Variants in U2SURP observed in about 807,000 individuals in gnomAD.
U2SURP encodes U2 snRNP-associated SURP motif-containing protein.
In U2SURP, 9 loss-of-function variants were observed where a neutral mutation model predicts 144.9. The ratio of observed to expected loss-of-function variants is 0.06; its 90% CI spans 0.04 to 0.11. U2SURP has a LOEUF of 0.11. U2SURP is among the 10% of genes least tolerant of loss of function. The pLI, the probability that U2SURP is intolerant of heterozygous loss-of-function variation, is 1.00. For missense variants in U2SURP, 724 were observed against 1,226.7 expected (o/e 0.59, Z 6.12); for synonymous variants, 408 against 396.8 (o/e 1.03, Z -0.33).
In U2SURP at chr3:143,021,256, C is replaced by T. The variant is rs1041302737; in HGVS notation, c.734-94C>T. 5.9e-6 allele frequency: 8 copies of T among 1,348,084 alleles called. No individual in the cohort carries two copies. In the African/African-American group the frequency reaches 1.2e-4, roughly 20 times the overall value. The allele number at this position is 1,348,084 out of a possible 1,614,324, so 83.5% of individuals were successfully genotyped here. ...CTCTCTTTTTGTCTCTCAGAAATAC[C>T]TTACTGTAACAAACTGGGGGAAACA... On this transcript the variant is annotated intron_variant, in intron 8 of 27. Transcript: ENST00000473835.
At chr3:143,005,590 G>A (rs186914909) in intron 1 of U2SURP, among the ~76,000 whole-genome samples, 6 of 152,250 alleles carry the variant, frequency 3.9e-5, no homozygotes, top group South Asian at 2.1e-4. Context: ...TAACTTTTTC[G>A]AAACTTGAAC....
intron 3 of U2SURP, 58 bp downstream of exon 3, chr3:143,012,411 T>C (rs764921676): frequency 1.2e-5 from 17 of 1,456,180 alleles, no homozygotes; most frequent in African/African-American, 2.8e-5. Flanking sequence ...TTTTAATCTG[T>C]CTTTGACTGA....
intron 26 of U2SURP, among the ~76,000 whole-genome samples, chr3:143,054,469 GT>G (rs1169561982): frequency 2.0e-5 from 3 of 152,162 alleles, no homozygotes; most frequent in African/African-American, 7.2e-5. Flanking sequence ...TTTTGACATA[GT>G]TTTAGATTTA....
At chr3:143,050,591 TTCTGACTGTC>T (rs1408338944) in intron 24 of U2SURP, among the ~76,000 whole-genome samples, 2 of 152,202 alleles carry the variant, frequency 1.3e-5, no homozygotes, top group Non-Finnish European at 2.9e-5. Flanking sequence ...TTAATCTGCA[TTCTGACTGTC>T]ATATCATGCT....
chr3:143,038,993 T>G, intron 23 of U2SURP, 33 bp downstream of exon 23: 1 of 1,378,654 alleles, frequency 7.3e-7, no homozygotes, highest in South Asian at 1.4e-5. Flanking sequence ...TACTGTTTCT[T>G]GTTCATATAC....
At chr3:143,004,434 G>C (rs1477546275) in intron 1 of U2SURP, among the ~76,000 whole-genome samples, 2 of 127,484 alleles carry the variant, frequency 1.6e-5, no homozygotes, top group Non-Finnish European at 3.1e-5. Context: ...TGCAATCTCA[G>C]CTCACTGCAA....
At chr3:143,022,728 A>G in intron 11 of U2SURP, 66 bp downstream of exon 11, 1 of 1,499,932 alleles carries the variant, frequency 6.7e-7, no homozygotes, top group Non-Finnish European at 8.9e-7. Context: ...AAGTATTTAT[A>G]AAAACTAGGA....
At chr3:143,010,991 T>C (rs1240446810) in intron 2 of U2SURP, 132 bp downstream of exon 2, 6 of 651,524 alleles carry the variant, frequency 9.2e-6, no homozygotes, top group South Asian at 2.8e-5. Context: ...CTCTTTTTTT[T>C]CTAGGCGCCT....
rs987883755 is a variant in U2SURP, at chr3:143,035,869, A to G, written c.1942-113A>G. ...ATAGTTATTTTCTTTAAAGTTTAAAAAAACATCAGTTTAAAGGCAAATTTA... is the reference window on the plus strand; with the variant it reads ...ATAGTTATTTTCTTTAAAGTTTAAAGAAACATCAGTTTAAAGGCAAATTTA... On this transcript the variant is annotated intron_variant, in intron 19 of 27. Coordinates refer to ENST00000473835, the MANE Select transcript of U2SURP (RefSeq NM_001080415.2). 3 of 1,134,584 alleles carry G rather than the reference A, an allele frequency of 2.6e-6. No individual in the cohort carries two copies. The African/African-American group carries it at 4.8e-5, about 18-fold the overall frequency. 70.3% of individuals were successfully genotyped at this position (1,134,584 alleles called of 1,614,324 possible).
chr3:143,013,402 T>C (rs2108274317), intron 3 of U2SURP, among the ~76,000 whole-genome samples: 1 of 152,196 alleles, frequency 6.6e-6, no homozygotes. Flanking sequence ...GATTTTAATA[T>C]AAATTTAAAA....
chr3:143,021,425 A>C, intron 9 of U2SURP, 40 bp downstream of exon 9: 1 of 1,609,202 alleles, frequency 6.2e-7, no homozygotes. Context: ...TAAATTTTCC[A>C]AACTTTATGT....
At position 143,059,360 on chromosome 3, in the gene U2SURP, A is replaced by T. The variant is rs1422913988; in HGVS notation, c.*2910A>T. 6.6e-6 allele frequency: 1 copy of T among 152,356 alleles called. No homozygotes were observed. Among genetic ancestry groups the T allele is most frequent in the African/African-American group, 2.4e-5 (1 of 41,428 alleles). 9.4% of individuals were successfully genotyped at this position (152,356 alleles called of 1,614,324 possible). ...CCTGAGACTTTTATCCCAATTAGTGAATCTTGGAGGGAATACTTGCTTATT... is the reference window on the plus strand; with the variant it reads ...CCTGAGACTTTTATCCCAATTAGTGTATCTTGGAGGGAATACTTGCTTATT... On this transcript the variant is annotated 3_prime_UTR_variant, in exon 28 of 28. Coordinates refer to ENST00000473835, the MANE Select transcript of U2SURP (RefSeq NM_001080415.2).
At chr3:143,022,801 G>A (rs769776157) in intron 11 of U2SURP, 52 bp from the exon 12 acceptor site, 1 of 1,475,158 alleles carries the variant, frequency 6.8e-7, no homozygotes. Flanking sequence ...GAAAAATTTT[G>A]TTTGGAAACT....
At chr3:143,029,591 A>G (rs1043704516) in intron 16 of U2SURP, among the ~76,000 whole-genome samples, 4 of 152,186 alleles carry the variant, frequency 2.6e-5, no homozygotes, top group Non-Finnish European at 4.4e-5. Flanking sequence ...GAGACACAAC[A>G]CTATTGAAAT....
At chr3:143,024,545 A>AATTCCAAAC (rs1236723868) in intron 13 of U2SURP, 3 of 434,578 alleles carry the variant, frequency 6.9e-6, no homozygotes, top group Admixed American at 5.4e-5. Context: ...TCATGGTAAC[A>AATTCCAAAC]AAGGTATTTG....
At chr3:143,046,471 TC>T (rs1269324243) in intron 24 of U2SURP, among the ~76,000 whole-genome samples, 4 of 123,196 alleles carry the variant, frequency 3.2e-5, no homozygotes, top group African/African-American at 1.3e-4. Flanking sequence ...CCTGCGGCCT[TC>T]CGCCATGTTT....
chr3:143,007,863 G>T (rs1935926015), intron 1 of U2SURP, among the ~76,000 whole-genome samples: 1 of 152,220 alleles, frequency 6.6e-6, no homozygotes, highest in Non-Finnish European at 1.5e-5. Flanking sequence ...CTCAGCTTCT[G>T]AAGTAGTGCT....
chr3:143,036,182 C>A (rs1933799512), intron 20 of U2SURP, 78 bp downstream of exon 20: 2 of 1,418,292 alleles, frequency 1.4e-6, no homozygotes, highest in Non-Finnish European at 1.9e-6. Flanking sequence ...TTCTGTGTTA[C>A]ATATGTGAGG....
At chr3:143,047,883 C>CA (rs1934616433) in intron 24 of U2SURP, among the ~76,000 whole-genome samples, 1 of 17,052 alleles carries the variant, frequency 5.9e-5, no homozygotes, top group African/African-American at 3.6e-4. Flanking sequence ...GGGGGGCTGA[C>CA]CCCCCCCAAC....
Sources: allele counts gnomAD v4.1 joint callset (sites outside exome capture counted in the v4.1 genomes callset), GRCh38; gene constraint gnomAD v4.1.1; transcripts MANE v1.5; gene names NCBI Gene and HGNC (gene_info 2026-07-23, HGNC 2026-07-21).